Variants in SOX5 observed in about 807,000 individuals in gnomAD.
The protein encoded by SOX5 is transcription factor SOX-5.
A neutral mutation model predicts 92.0 loss-of-function variants in SOX5; 9 were observed. The observed-to-expected ratio is 0.10, with a 90% CI of 0.06 to 0.17. The LOEUF (loss-of-function observed/expected upper bound fraction) is 0.17. Ranked by LOEUF, SOX5 falls within the 10% of genes least tolerant of loss-of-function variation. The probability of loss-of-function intolerance (pLI) is 1.00; values close to 1 mark genes in which losing one functional copy is unlikely to be tolerated. For synonymous variants in SOX5, 344 were observed against 336.3 expected, an observed-to-expected ratio of 1.02 and a Z score of -0.25; for missense variants, 642 against 944.5, an observed-to-expected ratio of 0.68 and a Z score of 4.20.
chr12:24,215,244 A>C (rs906473582), intron 3 of SOX5, among the ~76,000 whole-genome samples: 5 of 152,136 alleles, frequency 3.3e-5, no homozygotes, highest in African/African-American at 1.2e-4. Context: ...TAGAGATTTC[A>C]TACAGGTTCA....
intron 2 of SOX5, among the ~76,000 whole-genome samples, chr12:23,858,878 A>G (rs572807415): frequency 2.0e-4 from 31 of 152,332 alleles, no homozygotes; most frequent in Admixed American, 5.2e-4. Context: ...TAATACTTTT[A>G]TAATTTCTTA....
chr12:24,234,559 G>T (rs1964065298), intron 3 of SOX5, among the ~76,000 whole-genome samples: 1 of 151,984 alleles, frequency 6.6e-6, no homozygotes, highest in Admixed American at 6.6e-5. Flanking sequence ...TGTATTTTTA[G>T]TAGAGACAGG....
At chr12:23,890,577 T>G (rs1375246580) in intron 2 of SOX5, among the ~76,000 whole-genome samples, 1 of 152,040 alleles carries the variant, frequency 6.6e-6, no homozygotes, top group Non-Finnish European at 1.5e-5. Context: ...ACGGTCACCA[T>G]AGAGTTACCC....
chr12:24,378,599 C>T (rs544625242), intron 1 of SOX5, among the ~76,000 whole-genome samples: 1 of 152,180 alleles, frequency 6.6e-6, no homozygotes, highest in Non-Finnish European at 1.5e-5. Context: ...TGATGAATCT[C>T]CTTCCGCTTG....
chr12:23,631,482 A>G (rs139136419), intron 8 of SOX5, among the ~76,000 whole-genome samples: 18 of 152,224 alleles, frequency 1.2e-4, no homozygotes, highest in Middle Eastern at 3.4e-3. Flanking sequence ...AAAAATTTCA[A>G]TAAATTGGTA....
At chr12:24,398,786 T>C (rs919459510) in intron 1 of SOX5, among the ~76,000 whole-genome samples, 4 of 152,156 alleles carry the variant, frequency 2.6e-5, no homozygotes, top group Non-Finnish European at 5.9e-5. Flanking sequence ...AGGAAGGGTT[T>C]TGCAGAGAGT....
At chr12:24,158,167 C>A (rs1952386560) in intron 4 of SOX5, among the ~76,000 whole-genome samples, 1 of 151,984 alleles carries the variant, frequency 6.6e-6, no homozygotes, top group African/African-American at 2.4e-5. Flanking sequence ...GTAGGTCATA[C>A]TAGCATTCCC....
intron 13 of SOX5, among the ~76,000 whole-genome samples, chr12:23,541,513 A>G (rs1219360612): frequency 6.6e-6 from 1 of 152,202 alleles, no homozygotes; most frequent in Non-Finnish European, 1.5e-5. Context: ...AAGGTAGAAT[A>G]TAGTCACAAA....
chr12:23,607,387 C>A (rs2075372805), intron 8 of SOX5, among the ~76,000 whole-genome samples: 1 of 152,144 alleles, frequency 6.6e-6, no homozygotes, highest in Non-Finnish European at 1.5e-5. Flanking sequence ...TGGCCATTTA[C>A]AAGTTAATAG....
intron 1 of SOX5, among the ~76,000 whole-genome samples, chr12:24,478,112 T>C (rs1262051240): frequency 6.6e-6 from 1 of 152,206 alleles, no homozygotes; most frequent in African/African-American, 2.4e-5. Flanking sequence ...ACTTGTGACA[T>C]CCAAATGTTT....
At chr12:23,979,119 T>C (rs928340956) in intron 4 of SOX5, among the ~76,000 whole-genome samples, 2 of 152,176 alleles carry the variant, frequency 1.3e-5, no homozygotes, top group African/African-American at 4.8e-5. Context: ...TATAATTTTT[T>C]TTTAATTAAT....
chr12:24,062,040 A>G (rs996657941), intron 4 of SOX5, among the ~76,000 whole-genome samples: 2 of 152,228 alleles, frequency 1.3e-5, no homozygotes, highest in African/African-American at 4.8e-5. Flanking sequence ...ACAAAGTTGC[A>G]TCAACTAATT....
intron 4 of SOX5, among the ~76,000 whole-genome samples, chr12:23,978,656 A>G (rs1487798780): frequency 1.3e-5 from 2 of 152,204 alleles, no homozygotes; most frequent in East Asian, 3.9e-4. Context: ...AGCCAAGCCA[A>G]TGGCAACTCA....
At chr12:24,462,016 G>T (rs954183921) in intron 1 of SOX5, among the ~76,000 whole-genome samples, 7 of 152,138 alleles carry the variant, frequency 4.6e-5, no homozygotes, top group Non-Finnish European at 2.9e-5. Context: ...TACCGCACAG[G>T]ATTATCTGAG....
chr12:24,144,478 T>A (rs1039000574), intron 4 of SOX5, among the ~76,000 whole-genome samples: 2 of 152,068 alleles, frequency 1.3e-5, no homozygotes, highest in African/African-American at 4.8e-5. Flanking sequence ...GCGCTGCATT[T>A]ACAACATACA....
At chr12:23,596,699 T>C (rs1206636131) in intron 9 of SOX5, among the ~76,000 whole-genome samples, 2 of 152,148 alleles carry the variant, frequency 1.3e-5, no homozygotes, top group Non-Finnish European at 2.9e-5. Flanking sequence ...TTATAAATGA[T>C]TCCCCCCAAA....
intron 8 of SOX5, among the ~76,000 whole-genome samples, chr12:23,620,552 C>G (rs2077049892): frequency 6.6e-6 from 1 of 151,942 alleles, no homozygotes; most frequent in Non-Finnish European, 1.5e-5. Context: ...ATATAAAACT[C>G]TATGCTTTGA....
chr12:23,540,384 TAATAATAATAA>T (rs1487925899), intron 13 of SOX5, among the ~76,000 whole-genome samples: 1 of 147,666 alleles, frequency 6.8e-6, no homozygotes, highest in Non-Finnish European at 1.5e-5. Flanking sequence ...ATAATAATAA[TAATAATAATAA>T]TAATAATAAA....
At chr12:24,252,393 T>C (rs936864416) in intron 3 of SOX5, among the ~76,000 whole-genome samples, 1 of 152,192 alleles carries the variant, frequency 6.6e-6, no homozygotes, top group Admixed American at 6.5e-5. Flanking sequence ...TGTGTTTGGT[T>C]TCACAGGTAA....
Sources: gnomAD v4.1 joint callset for allele counts (sites outside exome capture counted in the v4.1 genomes callset) on GRCh38, gnomAD v4.1.1 for gene constraint, MANE v1.5 for transcripts, NCBI Gene and HGNC (gene_info 2026-07-23, HGNC 2026-07-21) for gene names.